Variants in ARHGEF7 observed in about 807,000 individuals in gnomAD.
The protein encoded by ARHGEF7 is Rho guanine nucleotide exchange factor 7, also known as PAK-interacting exchange factor beta.
Under a neutral mutation model 109.8 loss-of-function variants are expected in ARHGEF7, and 33 were observed. The observed-to-expected ratio is 0.30, with a 90% CI of 0.23 to 0.40. ARHGEF7 has a LOEUF of 0.40. ARHGEF7 is among the 10% of genes least tolerant of loss of function. The probability of loss-of-function intolerance (pLI) is 1.00; values close to 1 mark genes in which losing one functional copy is unlikely to be tolerated. For synonymous variants in ARHGEF7, 458 were observed against 424.6 expected, an observed-to-expected ratio of 1.08 and a Z score of -0.97; for missense variants, 938 against 1,098.5, an observed-to-expected ratio of 0.85 and a Z score of 2.07.
At chr13:111,190,347 A>G (rs969104820) in intron 2 of ARHGEF7, among the ~76,000 whole-genome samples, 1 of 151,962 alleles carries the variant, frequency 6.6e-6, no homozygotes, top group Non-Finnish European at 1.5e-5. Flanking sequence ...CTTTTCCCGT[A>G]AACACCGGGC....
intron 2 of ARHGEF7, among the ~76,000 whole-genome samples, chr13:111,157,210 A>C (rs557740490): frequency 6.6e-6 from 1 of 152,350 alleles, no homozygotes; most frequent in Non-Finnish European, 1.5e-5. Flanking sequence ...GGAAAATTAA[A>C]AAAATTTAAT....
chr13:111,153,972 G>C lies in ARHGEF7; in HGVS notation c.233G>C (p.Gly78Ala), dbSNP rs1303380394. Residue 78 changes from glycine to alanine, a missense_variant, in exon 2 of 22, where the codon GGG becomes GCG. Transcript: ENST00000646102. ...ATCCGCGAGTTCCTGCGCGGCTGCG[G>C]GGCTTCCCTGCGGCTGGAGGTGAGC... ...SNIREFLRGCGASLRLETFDA... is the reference protein window; with the variant it reads ...SNIREFLRGCAASLRLETFDA... 6.2e-7 allele frequency: 1 copy of C among 1,603,396 alleles called. No homozygotes were observed. The highest frequency in any genetic ancestry group is 8.5e-7 in the Non-Finnish European group (1 of 1,176,834).
rs1336799094 is a variant in ARHGEF7 at position 111,198,306 on chromosome 13, G to A, written c.253-6983G>A. Among the ~76,000 whole-genome samples the A allele has an allele frequency of 3.3e-5, 5 of 151,892 alleles. No individual in the cohort carries two copies. The East Asian group carries it at 5.8e-4, about 18-fold the overall frequency. On this transcript the variant is annotated intron_variant, in intron 2 of 21. Transcript: ENST00000646102. ...GGTCCGATGATACTCACTGCTTGGC[G>A]ATAGTCCCATCTGGGTCGCCAAAAT... is the stretch of plus-strand genomic sequence containing the variant.
chr13:111,154,875 CTT>C (rs1043502597), intron 2 of ARHGEF7, among the ~76,000 whole-genome samples: 9 of 152,036 alleles, frequency 5.9e-5, no homozygotes, highest in Admixed American at 3.9e-4. Flanking sequence ...CCTTAGTTTT[CTT>C]ATCTGTAAAC....
At chr13:111,302,615 C>T (rs1388206819) in intron 21 of ARHGEF7, among the ~76,000 whole-genome samples, 1 of 152,214 alleles carries the variant, frequency 6.6e-6, no homozygotes, top group Non-Finnish European at 1.5e-5. Context: ...CTGCACCTGT[C>T]AGTGGCTGTT....
chr13:111,148,097 C>T (rs552736343), intron 1 of ARHGEF7, among the ~76,000 whole-genome samples: 4 of 152,306 alleles, frequency 2.6e-5, no homozygotes, highest in South Asian at 2.1e-4. Context: ...TCTACATCTC[C>T]GTGGCCACAC....
chr13:111,129,249 A>C (rs555736095), intron 1 of ARHGEF7, among the ~76,000 whole-genome samples: 9 of 152,326 alleles, frequency 5.9e-5, no homozygotes, highest in African/African-American at 2.2e-4. Flanking sequence ...CCTAAAACTA[A>C]AAAACTCCTA....
At chr13:111,285,467 C>A (rs2153614695) in intron 16 of ARHGEF7, among the ~76,000 whole-genome samples, 1 of 152,244 alleles carries the variant, frequency 6.6e-6, no homozygotes, top group South Asian at 2.1e-4. Context: ...TTGGGACTTG[C>A]TTTGCTCACT....
chr13:111,197,696 G>A (rs758693657), intron 2 of ARHGEF7, among the ~76,000 whole-genome samples: 2 of 152,176 alleles, frequency 1.3e-5, no homozygotes, highest in Non-Finnish European at 2.9e-5. Flanking sequence ...CTTTTGTTAG[G>A]CCTGCTTGTC....
At chr13:111,238,647 CA>C (rs1033663086) in intron 6 of ARHGEF7, among the ~76,000 whole-genome samples, 2 of 151,930 alleles carry the variant, frequency 1.3e-5, no homozygotes, top group African/African-American at 4.8e-5. Context: ...GCCCCCATGG[CA>C]TGGTGACTGG....
chr13:111,170,152 C>T (rs2077468446), intron 2 of ARHGEF7, among the ~76,000 whole-genome samples: 1 of 152,198 alleles, frequency 6.6e-6, no homozygotes, highest in Non-Finnish European at 1.5e-5. Context: ...TGCTGGAGTG[C>T]AGTGGTGTGA....
chr13:111,188,272 A>G (rs2079476564), intron 2 of ARHGEF7, among the ~76,000 whole-genome samples: 1 of 152,128 alleles, frequency 6.6e-6, no homozygotes, highest in Non-Finnish European at 1.5e-5. Flanking sequence ...TGACATCTCA[A>G]CGACCTCCCC....
chr13:111,187,337 G>C (rs1194736326), intron 2 of ARHGEF7, among the ~76,000 whole-genome samples: 1 of 152,190 alleles, frequency 6.6e-6, no homozygotes, highest in Non-Finnish European at 1.5e-5. Context: ...CTGGTGGTGT[G>C]GGCCTGGGGC....
chr13:111,191,308 G>T (rs1224433153), intron 2 of ARHGEF7, among the ~76,000 whole-genome samples: 1 of 152,188 alleles, frequency 6.6e-6, no homozygotes, highest in Non-Finnish European at 1.5e-5. Context: ...ATAACAGGTT[G>T]CATTGGATGC....
intron 19 of ARHGEF7, among the ~76,000 whole-genome samples, chr13:111,299,068 G>A (rs2093494331): frequency 6.6e-6 from 1 of 152,192 alleles, no homozygotes; most frequent in Non-Finnish European, 1.5e-5. Flanking sequence ...GGATGAAGGA[G>A]CAGTGTCTTG....
intron 8 of ARHGEF7, among the ~76,000 whole-genome samples, chr13:111,245,139 C>T (rs2088577878): frequency 6.6e-6 from 1 of 152,116 alleles, no homozygotes; most frequent in Non-Finnish European, 1.5e-5. Flanking sequence ...CGGCTGCAGG[C>T]ATTGTAGTTT....
At chr13:111,233,532 C>T (rs968267035) in intron 6 of ARHGEF7, among the ~76,000 whole-genome samples, 9 of 152,082 alleles carry the variant, frequency 5.9e-5, no homozygotes, top group South Asian at 2.1e-4. Flanking sequence ...GCTCTTGTCC[C>T]GTAACATAGT....
rs909739732 is a variant in ARHGEF7 at position 111,241,346 on chromosome 13, A to G, written c.760-2526A>G. On this transcript the variant is annotated intron_variant, in intron 6 of 21. Coordinates refer to ENST00000646102, the MANE Select transcript of ARHGEF7 (RefSeq NM_001354046.2). ...GAGGGGAAGAAAGGTGGTAAGTGGC[A>G]CCCCCGGCTGCGCCCCGAGGTCAGG... 6 of 1,535,596 alleles carry G rather than the reference A, an allele frequency of 3.9e-6. No individual in the cohort carries two copies. In the African/African-American group the frequency reaches 6.9e-5, roughly 18 times the overall value.
At chr13:111,277,284 G>T (rs972686812) in intron 12 of ARHGEF7, among the ~76,000 whole-genome samples, 12 of 152,278 alleles carry the variant, frequency 7.9e-5, no homozygotes, top group Non-Finnish European at 1.6e-4. Flanking sequence ...CAGGCTAATT[G>T]TGAGTCCAGG....
Sources: allele counts gnomAD v4.1 joint callset (sites outside exome capture counted in the v4.1 genomes callset), GRCh38; gene constraint gnomAD v4.1.1; transcripts MANE v1.5; gene names NCBI Gene and HGNC (gene_info 2026-07-23, HGNC 2026-07-21).